The following CADPS variants were observed in gnomAD, a reference collection of about 807,000 sequenced individuals.
The protein encoded by CADPS is calcium dependent secretion activator.
CADPS carries 57 observed loss-of-function variants against 167.3 expected under a neutral mutation model. The ratio of observed to expected loss-of-function variants is 0.34; its 90% CI spans 0.28 to 0.42. The LOEUF is 0.42. Among genes scored for constraint, CADPS ranks in the 20% least tolerant of loss-of-function variants. The pLI, the probability that CADPS is intolerant of heterozygous loss-of-function variation, is 1.00. For missense variants in CADPS, 1,414 were observed against 1,738.1 expected (o/e 0.81, Z 3.32); for synonymous variants, 676 against 635.3 (o/e 1.06, Z -0.96).
At chr3:62,566,494 C>A (rs2152421630) in intron 9 of CADPS, among the ~76,000 whole-genome samples, 1 of 152,314 alleles carries the variant, frequency 6.6e-6, no homozygotes, top group African/African-American at 2.4e-5. Flanking sequence ...TTTCCTCCTG[C>A]AGCTCTGATG....
In CADPS at chr3:62,486,655, G is replaced by T. The variant is rs183918815; in HGVS notation, c.3026+4684C>A. On this transcript the variant is annotated intron_variant, in intron 21 of 29. Coordinates refer to ENST00000383710, the MANE Select transcript of CADPS (RefSeq NM_003716.4). ...CAGGGCAAGAGAGCCCCAAAGTAGG[G>T]CTTAGCCCATGAGGGTTCTTGGCTT... Among the ~76,000 whole-genome samples, 6 of 152,304 alleles carry T rather than the reference G, an allele frequency of 3.9e-5. No homozygotes were observed. In the East Asian group the frequency reaches 1.2e-3, roughly 29 times the overall value.
chr3:62,608,638 A>G (rs969005626), intron 6 of CADPS, among the ~76,000 whole-genome samples: 1 of 152,224 alleles, frequency 6.6e-6, no homozygotes, highest in African/African-American at 2.4e-5. Flanking sequence ...AAGACGTATA[A>G]TTAAATATGA....
chr3:62,861,364 T>A (rs1257398754), intron 1 of CADPS, among the ~76,000 whole-genome samples: 1 of 152,150 alleles, frequency 6.6e-6, no homozygotes, highest in East Asian at 1.9e-4. Flanking sequence ...AAAATGAACA[T>A]TCATAGCCCA....
chr3:62,476,509 T>C (rs970016677), intron 23 of CADPS, among the ~76,000 whole-genome samples: 1 of 152,156 alleles, frequency 6.6e-6, no homozygotes. Context: ...AGCTACTGTG[T>C]GCCAAGCATG....
chr3:62,510,177 C>T (rs139232703), intron 17 of CADPS, among the ~76,000 whole-genome samples: 4 of 83,138 alleles, frequency 4.8e-5, no homozygotes, highest in Non-Finnish European at 1.0e-4. Context: ...TTTCCTCCCA[C>T]CTACCTATTT....
In CADPS at chr3:62,550,223, G is replaced by C. The variant is rs1276160020; in HGVS notation, c.1754-108C>G. The C allele has an allele frequency of 2.8e-5, 22 of 777,278 alleles. No homozygotes were observed. The East Asian group carries it at 4.4e-4, about 15-fold the overall frequency. 48.1% of individuals were successfully genotyped at this position (777,278 alleles called of 1,614,324 possible). A position where few individuals can be genotyped will look rare whatever the true frequency, so the allele number is the denominator to read the frequency against. On this transcript the variant is annotated intron_variant, in intron 10 of 29. Coordinates refer to ENST00000383710, the MANE Select transcript of CADPS (RefSeq NM_003716.4). Reference sequence around the variant, plus strand: ...TGCTGCTTTTCCTTGGGACAGAAGAGGGGGGTAGTGATTAACTTAGGATGG... The same window carrying C: ...TGCTGCTTTTCCTTGGGACAGAAGACGGGGGTAGTGATTAACTTAGGATGG...
At chr3:62,570,136 A>G (rs1444520866) in intron 9 of CADPS, among the ~76,000 whole-genome samples, 1 of 152,146 alleles carries the variant, frequency 6.6e-6, no homozygotes, top group African/African-American at 2.4e-5. Flanking sequence ...GTTTACAGAT[A>G]TGAGAGCCAG....
At chr3:62,468,929 C>T (rs1175693737) in intron 24 of CADPS, among the ~76,000 whole-genome samples, 1 of 152,066 alleles carries the variant, frequency 6.6e-6, no homozygotes, top group African/African-American at 2.4e-5. Flanking sequence ...ATTCACTTAA[C>T]CAAATAATGA....
At chr3:62,492,648 G>C (rs1012760374) in intron 19 of CADPS, among the ~76,000 whole-genome samples, 6 of 152,172 alleles carry the variant, frequency 3.9e-5, no homozygotes, top group African/African-American at 1.4e-4. Context: ...TTCCAGGCCT[G>C]CCATAGAGAG....
At chr3:62,734,367 G>A (rs536485474) in intron 3 of CADPS, among the ~76,000 whole-genome samples, 3 of 152,096 alleles carry the variant, frequency 2.0e-5, no homozygotes, top group Non-Finnish European at 4.4e-5. Flanking sequence ...ATTTACTGAG[G>A]TAGTCGCTAC....
At chr3:62,521,069 C>T (rs1357544478) in intron 13 of CADPS, among the ~76,000 whole-genome samples, 1 of 152,154 alleles carries the variant, frequency 6.6e-6, no homozygotes, top group Non-Finnish European at 1.5e-5. Context: ...GCCTCAGCAT[C>T]ACCTGGTGAC....
intron 17 of CADPS, among the ~76,000 whole-genome samples, chr3:62,510,191 CATCT>C (rs57153814): frequency 0.045 from 6,656 of 148,370 alleles, 216 homozygotes; most frequent in African/African-American, 0.093. Context: ...CCTATTTCTG[CATCT>C]ATCTATCTAT....
At chr3:62,437,435 C>G (rs2055352150) in intron 28 of CADPS, among the ~76,000 whole-genome samples, 1 of 151,390 alleles carries the variant, frequency 6.6e-6, no homozygotes, top group Non-Finnish European at 1.5e-5. Context: ...AATGATTAAC[C>G]CTTGGTAATC....
At chr3:62,672,371 C>T (rs916847906) in intron 3 of CADPS, among the ~76,000 whole-genome samples, 22 of 152,142 alleles carry the variant, frequency 1.4e-4, no homozygotes, top group Admixed American at 3.9e-4. Flanking sequence ...CTTTTTGGAA[C>T]GTGCATTTGC....
At chr3:62,636,438 C>T (rs917799765) in intron 6 of CADPS, among the ~76,000 whole-genome samples, 2 of 152,192 alleles carry the variant, frequency 1.3e-5, no homozygotes, top group Non-Finnish European at 2.9e-5. Context: ...TACGGGCTGG[C>T]ATGAAAGCTT....
At chr3:62,500,861 T>TCAGG (rs1483110906) in intron 17 of CADPS, among the ~76,000 whole-genome samples, 1 of 152,136 alleles carries the variant, frequency 6.6e-6, no homozygotes, top group Admixed American at 6.6e-5. Context: ...AATGAACATA[T>TCAGG]CAGGTCATTA....
At chr3:62,764,436 A>T (rs2152495599) in intron 2 of CADPS, among the ~76,000 whole-genome samples, 1 of 152,336 alleles carries the variant, frequency 6.6e-6, no homozygotes, top group African/African-American at 2.4e-5. Flanking sequence ...CAACTATAAA[A>T]ACAAATTTGA....
At chr3:62,596,226 C>T (rs184199786) in intron 6 of CADPS, among the ~76,000 whole-genome samples, 19 of 144,402 alleles carry the variant, frequency 1.3e-4, no homozygotes, top group Non-Finnish European at 2.5e-4. Context: ...GACAGAGTGT[C>T]GTTCTGTTGC....
chr3:62,840,204 T>C (rs1364927747), intron 1 of CADPS, among the ~76,000 whole-genome samples: 1 of 152,232 alleles, frequency 6.6e-6, no homozygotes, highest in Admixed American at 6.5e-5. Flanking sequence ...ATTTTCCATC[T>C]ACTTCAATGG....
Sources: gnomAD v4.1 joint callset for allele counts (sites outside exome capture counted in the v4.1 genomes callset) on GRCh38, gnomAD v4.1.1 for gene constraint, MANE v1.5 for transcripts, NCBI Gene and HGNC (gene_info 2026-07-23, HGNC 2026-07-21) for gene names.